Variants in DISC1 observed in about 807,000 individuals in gnomAD.
The protein encoded by DISC1 is DISC1 scaffold protein, also known as disrupted in schizophrenia 1 protein.
A neutral mutation model predicts 84.5 loss-of-function variants in DISC1; 57 were observed. The ratio of observed to expected loss-of-function variants is 0.67; its 90% confidence interval spans 0.55 to 0.84. DISC1 has a LOEUF of 0.84. Ranked by LOEUF, DISC1 falls within the 40% of genes least tolerant of loss-of-function variation. The pLI, the probability that DISC1 is intolerant of heterozygous loss-of-function variation, is 0.00. For missense variants in DISC1, 1,000 were observed against 1,057.8 expected (o/e 0.95, Z 0.76); for synonymous variants, 411 against 415.2 (o/e 0.99, Z 0.12).
intron 10 of DISC1, among the ~76,000 whole-genome samples, chr1:231,984,127 A>C (rs1664062944): frequency 6.6e-6 from 1 of 152,224 alleles, no homozygotes; most frequent in Non-Finnish European, 1.5e-5. Context: ...CAGACAGATA[A>C]ATGTATCAGG....
At chr1:231,704,666 A>G (rs899909950) in intron 3 of DISC1, among the ~76,000 whole-genome samples, 5 of 147,382 alleles carry the variant, frequency 3.4e-5, no homozygotes, top group Admixed American at 1.4e-4. Flanking sequence ...AGGCTGAGGC[A>G]GGAGAATGGC....
At chr1:231,632,139 C>G (rs908622340) in intron 1 of DISC1, among the ~76,000 whole-genome samples, 1 of 152,166 alleles carries the variant, frequency 6.6e-6, no homozygotes, top group African/African-American at 2.4e-5. Flanking sequence ...AGTAGCTATA[C>G]AATATAGCTT....
intron 11 of DISC1, among the ~76,000 whole-genome samples, chr1:232,011,810 A>T (rs1668042475): frequency 6.6e-6 from 1 of 151,436 alleles, no homozygotes; most frequent in South Asian, 2.1e-4. Flanking sequence ...CTACCTATTT[A>T]AAAACCGGGC....
chr1:231,666,753 GA>G (rs1364137705), intron 1 of DISC1, among the ~76,000 whole-genome samples: 2 of 152,098 alleles, frequency 1.3e-5, no homozygotes, highest in Non-Finnish European at 2.9e-5. Flanking sequence ...CTTAGTGAAG[GA>G]AAAAGGCGTT....
intron 7 of DISC1, among the ~76,000 whole-genome samples, chr1:231,799,620 C>T (rs2079028292): frequency 6.6e-6 from 1 of 151,760 alleles, no homozygotes; most frequent in African/African-American, 2.4e-5. Flanking sequence ...GTGAGCCAAA[C>T]CACCTGGGAC....
intron 9 of DISC1, among the ~76,000 whole-genome samples, chr1:231,896,483 C>T (rs2087701730): frequency 1.3e-5 from 2 of 151,892 alleles, no homozygotes; most frequent in African/African-American, 4.8e-5. Context: ...ACTTTTTTTT[C>T]CCATTTCAGT....
At chr1:231,847,511 A>G (rs1321303362) in intron 9 of DISC1, among the ~76,000 whole-genome samples, 1 of 152,122 alleles carries the variant, frequency 6.6e-6, no homozygotes, top group Admixed American at 6.6e-5. Flanking sequence ...AATAATCCAG[A>G]AAGTTACCTT....
chr1:231,759,927 G>T (rs552304662), intron 4 of DISC1, among the ~76,000 whole-genome samples: 1 of 152,194 alleles, frequency 6.6e-6, no homozygotes, highest in South Asian at 2.1e-4. Context: ...ACTTGTTTTG[G>T]AACTATTGGA....
intron 9 of DISC1, among the ~76,000 whole-genome samples, chr1:231,860,526 G>T (rs2084567600): frequency 6.6e-6 from 1 of 152,084 alleles, no homozygotes; most frequent in African/African-American, 2.4e-5. Flanking sequence ...AAAATATTTT[G>T]TGTAATGTCT....
intron 9 of DISC1, among the ~76,000 whole-genome samples, chr1:231,885,599 T>C (rs2086625342): frequency 6.6e-6 from 1 of 152,220 alleles, no homozygotes; most frequent in Admixed American, 6.5e-5. Flanking sequence ...TACCTTCTCA[T>C]GCTACTGCAT....
intron 3 of DISC1, among the ~76,000 whole-genome samples, chr1:231,705,255 T>G (rs190975397): frequency 4.3e-5 from 5 of 116,470 alleles, no homozygotes; most frequent in Non-Finnish European, 4.8e-5. Context: ...ACCATTGCAC[T>G]CCAGCCCGGG....
chr1:231,714,568 CAG>C (rs761500347), intron 3 of DISC1, among the ~76,000 whole-genome samples: 4 of 150,712 alleles, frequency 2.7e-5, no homozygotes, highest in Admixed American at 6.6e-5. Flanking sequence ...GAGAAAGAGA[CAG>C]AGAGATGGAG....
At chr1:231,717,223 C>A (rs1445355015) in intron 3 of DISC1, among the ~76,000 whole-genome samples, 1 of 152,104 alleles carries the variant, frequency 6.6e-6, no homozygotes, top group Non-Finnish European at 1.5e-5. Context: ...GAATAAGTTT[C>A]CTGCAAGTCT....
intron 1 of DISC1, among the ~76,000 whole-genome samples, chr1:231,643,648 G>C (rs1217368991): frequency 1.3e-5 from 2 of 152,234 alleles, no homozygotes; most frequent in South Asian, 4.1e-4. Flanking sequence ...GCCAGCTCTT[G>C]TGTCACTTAT....
At chr1:231,665,081 CA>C (rs1165864167) in intron 1 of DISC1, among the ~76,000 whole-genome samples, 2 of 151,948 alleles carry the variant, frequency 1.3e-5, no homozygotes, top group Non-Finnish European at 2.9e-5. Context: ...GAAATAGAAA[CA>C]ACATAAAAAA....
chr1:231,728,082 A>AT (rs966537610), intron 3 of DISC1, among the ~76,000 whole-genome samples: 5 of 151,116 alleles, frequency 3.3e-5, no homozygotes, highest in South Asian at 2.1e-4. Flanking sequence ...TTAAAACTTG[A>AT]TTTTTTTTTC....
At chr1:232,028,185 G>T (rs1349125493) in intron 12 of DISC1, among the ~76,000 whole-genome samples, 3 of 152,146 alleles carry the variant, frequency 2.0e-5, no homozygotes, top group Non-Finnish European at 4.4e-5. Flanking sequence ...GTGTAAGGGG[G>T]TATGGCTTCC....
At chr1:231,726,107 G>A (rs1015291504) in intron 3 of DISC1, among the ~76,000 whole-genome samples, 1 of 152,126 alleles carries the variant, frequency 6.6e-6, no homozygotes, top group African/African-American at 2.4e-5. Flanking sequence ...AAAAAGATAT[G>A]TTTAGAGGGG....
intron 9 of DISC1, among the ~76,000 whole-genome samples, chr1:231,853,979 T>C (rs1306530352): frequency 6.6e-6 from 1 of 152,188 alleles, no homozygotes; most frequent in Non-Finnish European, 1.5e-5. Flanking sequence ...CTGCACAGGA[T>C]TGAGATGAGT....
Sources: allele counts gnomAD v4.1 joint callset (sites outside exome capture counted in the v4.1 genomes callset), GRCh38; gene constraint gnomAD v4.1.1; transcripts MANE v1.5; gene names NCBI Gene and HGNC (gene_info 2026-07-23, HGNC 2026-07-21).